The following POLQ variants were observed in gnomAD, a reference collection of about 807,000 sequenced individuals.
POLQ encodes the protein epididymis secretory sperm binding protein.
Under a neutral mutation model 259.2 loss-of-function variants are expected in POLQ, and 233 were observed. The ratio of observed to expected loss-of-function variants is 0.90; its 90% CI spans 0.81 to 1.00. The LOEUF (loss-of-function observed/expected upper bound fraction) is 1.00. Among genes scored for constraint, POLQ ranks in the 50% least tolerant of loss-of-function variants. The pLI is 0.00. For synonymous variants in POLQ, 1,025 were observed against 1,048.8 expected (o/e 0.98, Z 0.44); for missense variants, 2,871 against 3,051.6 (o/e 0.94, Z 1.39).
At chr3:121,474,661 G>C (rs2047911974) in intron 20 of POLQ, among the ~76,000 whole-genome samples, 4 of 152,182 alleles carry the variant, frequency 2.6e-5, no homozygotes, top group Non-Finnish European at 4.4e-5. Flanking sequence ...ACAATGATCT[G>C]GTTCCAGTTT....
intron 23 of POLQ, 43 bp from the exon 24 acceptor site, chr3:121,467,683 C>G (rs762262382): frequency 6.3e-7 from 1 of 1,591,676 alleles, no homozygotes; most frequent in South Asian, 1.1e-5. Flanking sequence ...GAAGCAGTCT[C>G]AAATATATGA....
rs894157261 is a variant in POLQ, at chr3:121,529,381, T to C, written c.1108+264A>G. On this transcript the variant is annotated intron_variant, in intron 7 of 29. Transcript: ENST00000264233. Reference sequence around the variant, plus strand: ...AGATCAAACTCTTAAAGCCCATGGATCCCTGATAAAGAACTATAGTATATA... The same window carrying C: ...AGATCAAACTCTTAAAGCCCATGGACCCCTGATAAAGAACTATAGTATATA... 1.3e-4 allele frequency among the ~76,000 whole-genome samples: 20 copies of C among 152,326 alleles called. 1 individual carries two copies. The highest frequency in any genetic ancestry group is 9.6e-4 in the East Asian group (5 of 5,194).
At chr3:121,534,066 C>T (rs3845863) in intron 5 of POLQ, among the ~76,000 whole-genome samples, 88,846 of 151,512 alleles carry the variant, frequency 0.59, 27,218 homozygotes, top group East Asian at 0.89. Flanking sequence ...TTAGTAGAGA[C>T]GGGTTTTCAC....
At chr3:121,462,229 C>T (rs1233441188) in intron 24 of POLQ, among the ~76,000 whole-genome samples, 1 of 152,046 alleles carries the variant, frequency 6.6e-6, no homozygotes, top group Non-Finnish European at 1.5e-5. Flanking sequence ...GGACTTCCTA[C>T]CACAGACAAC....
At chr3:121,441,541 A>G (rs1237853305) in intron 26 of POLQ, among the ~76,000 whole-genome samples, 1 of 152,218 alleles carries the variant, frequency 6.6e-6, no homozygotes, top group Non-Finnish European at 1.5e-5. Flanking sequence ...TTTAAGAATC[A>G]TCAATATTGT....
intron 26 of POLQ, among the ~76,000 whole-genome samples, chr3:121,441,162 G>T (rs1028859591): frequency 9.9e-5 from 15 of 152,084 alleles, no homozygotes; most frequent in African/African-American, 3.4e-4. Flanking sequence ...GAAAGAAAAG[G>T]GTGAGATTTA....
chr3:121,460,611 A>C (rs2047783834), intron 24 of POLQ, among the ~76,000 whole-genome samples: 1 of 152,198 alleles, frequency 6.6e-6, no homozygotes, highest in African/African-American at 2.4e-5. Flanking sequence ...TCTACAGAAA[A>C]GCTTGCACAG....
intron 25 of POLQ, among the ~76,000 whole-genome samples, chr3:121,453,749 G>A (rs112647530): frequency 0.017 from 2,634 of 152,230 alleles, 69 homozygotes; most frequent in African/African-American, 0.059. Flanking sequence ...CCAAATCTAT[G>A]TCTCACTGGT....
chr3:121,452,164 G>A (rs1347613870), intron 25 of POLQ, among the ~76,000 whole-genome samples: 1 of 152,170 alleles, frequency 6.6e-6, no homozygotes. Context: ...GGAGTGACCC[G>A]ATTTTCCAGG....
At chr3:121,534,578 C>T (rs1348864199) in intron 5 of POLQ, among the ~76,000 whole-genome samples, 1 of 152,192 alleles carries the variant, frequency 6.6e-6, no homozygotes, top group African/African-American at 2.4e-5. Context: ...GCCTTGGCCT[C>T]CCAAAGTGCT....
intron 7 of POLQ, among the ~76,000 whole-genome samples, chr3:121,526,478 A>C (rs955587437): frequency 6.6e-6 from 1 of 152,130 alleles, no homozygotes; most frequent in East Asian, 1.9e-4. Flanking sequence ...TCTCTTTCTT[A>C]CTAATAAATG....
At chr3:121,437,096 G>A (rs1522357) in intron 27 of POLQ, among the ~76,000 whole-genome samples, 47,632 of 151,888 alleles carry the variant, frequency 0.31, 8,455 homozygotes, top group East Asian at 0.73. Context: ...CCAACTTCTA[G>A]TATATTAAAT....
At chr3:121,459,086 G>A (rs2047768192) in intron 25 of POLQ, among the ~76,000 whole-genome samples, 1 of 152,094 alleles carries the variant, frequency 6.6e-6, no homozygotes, top group Non-Finnish European at 1.5e-5. Context: ...GTATAAATGT[G>A]GCCTCTGACT....
intron 10 of POLQ, among the ~76,000 whole-genome samples, chr3:121,511,388 C>A (rs984728989): frequency 4.0e-5 from 6 of 151,758 alleles, no homozygotes; most frequent in African/African-American, 1.5e-4. Context: ...CAGAGCGAGA[C>A]TTCATCTCAA....
intron 25 of POLQ, among the ~76,000 whole-genome samples, chr3:121,454,135 T>C (rs1011998986): frequency 1.3e-4 from 20 of 152,116 alleles, no homozygotes; most frequent in Non-Finnish European, 2.4e-4. Context: ...CAAACTAAGC[T>C]TCATTAAGTG....
chr3:121,490,439 G>T (rs756763254), intron 15 of POLQ, 31 bp from the exon 16 acceptor site: 7 of 1,554,862 alleles, frequency 4.5e-6, no homozygotes, highest in Non-Finnish European at 6.2e-6. Flanking sequence ...AGACAGAAAT[G>T]AATTCATTCA....
intron 25 of POLQ, among the ~76,000 whole-genome samples, chr3:121,452,493 G>T (rs1389421140): frequency 7.2e-6 from 1 of 138,884 alleles, no homozygotes; most frequent in Non-Finnish European, 1.6e-5. Flanking sequence ...TGTTACTCCT[G>T]TTTTTTTTTT....
At chr3:121,458,248 T>C (rs1312166464) in intron 25 of POLQ, among the ~76,000 whole-genome samples, 2 of 151,320 alleles carry the variant, frequency 1.3e-5, no homozygotes, top group African/African-American at 4.9e-5. Context: ...GGTGGGGGAA[T>C]GGGGGAGGGA....
chr3:121,468,028 G>A (rs1346993020), intron 23 of POLQ, among the ~76,000 whole-genome samples: 7 of 152,086 alleles, frequency 4.6e-5, no homozygotes, highest in South Asian at 2.1e-4. Context: ...GCAAGACTCC[G>A]TCTCAAAAAA....
Sources: allele counts gnomAD v4.1 joint callset (sites outside exome capture counted in the v4.1 genomes callset), GRCh38; gene constraint gnomAD v4.1.1; transcripts MANE v1.5; gene names NCBI Gene and HGNC (gene_info 2026-07-23, HGNC 2026-07-21).